Variants in GPRC6A observed in about 807,000 individuals in gnomAD.
GPRC6A encodes G protein-coupled receptor family C group 6 member A.
Under a neutral mutation model 47.0 loss-of-function variants are expected in GPRC6A, and 54 were observed. The ratio of observed to expected loss-of-function variants is 1.15; its 90% CI spans 0.92 to 1.44. The LOEUF (loss-of-function observed/expected upper bound fraction) is 1.44. GPRC6A is among the 40% of genes most tolerant of loss of function. The pLI, the probability that GPRC6A is intolerant of heterozygous loss-of-function variation, is 0.00. For missense variants in GPRC6A, 1,112 were observed against 1,105.5 expected, an observed-to-expected ratio of 1.01 and a Z score of -0.08; for synonymous variants, 347 against 377.1, an observed-to-expected ratio of 0.92 and a Z score of 0.93.
intron 4 of GPRC6A, among the ~76,000 whole-genome samples, chr6:116,799,860 A>T (rs187230229): frequency 1.5e-4 from 23 of 152,300 alleles, no homozygotes; most frequent in Admixed American, 3.9e-4. Flanking sequence ...CCAGAGGTGA[A>T]GTGGAGGAGC....
At chr6:116,804,446 T>C (rs1454622187) in intron 3 of GPRC6A, among the ~76,000 whole-genome samples, 3 of 152,114 alleles carry the variant, frequency 2.0e-5, no homozygotes, top group Admixed American at 2.0e-4. Flanking sequence ...GGACCCTAAA[T>C]GTTGCTGATC....
intron 3 of GPRC6A, among the ~76,000 whole-genome samples, chr6:116,802,631 C>T (rs1772711033): frequency 6.6e-6 from 1 of 152,138 alleles, no homozygotes; most frequent in Non-Finnish European, 1.5e-5. Context: ...ATCCTTGCCT[C>T]TGTGTCCTGA....
intron 4 of GPRC6A, among the ~76,000 whole-genome samples, chr6:116,798,129 TTAAAA>T (rs1165618006): frequency 6.6e-6 from 1 of 152,118 alleles, no homozygotes; most frequent in Non-Finnish European, 1.5e-5. Flanking sequence ...ACTGACAGAG[TTAAAA>T]TAAGCAAAAT....
intron 1 of GPRC6A, among the ~76,000 whole-genome samples, chr6:116,817,975 G>T (rs1287586028): frequency 6.6e-6 from 1 of 152,024 alleles, no homozygotes; most frequent in African/African-American, 2.4e-5. Context: ...TTATCCAGGA[G>T]AACTTCCCCA....
At position 116,806,648 on chromosome 6, in the gene GPRC6A, G is replaced by A. The variant is rs376013129; in HGVS notation, c.1057C>T (p.Leu353Phe). The A allele has an allele frequency of 3.7e-6, 6 of 1,613,416 alleles. No homozygotes were observed. The highest frequency in any genetic ancestry group is 1.1e-5 in the South Asian group (1 of 91,078). The change falls in exon 3 of 6, where the codon CTC (leucine) becomes TTC (phenylalanine). Residue 353 changes from leucine (L) to phenylalanine (F), a missense_variant. Leu to Phe is a conservative substitution (Grantham distance 22, BLOSUM62 0). Transcript: ENST00000310357. ...AAATGCATGGCATATTCATGTAAGA[G>A]TTTGTGACTGTCACTGGGAAGCAAG... is the stretch of plus-strand genomic sequence containing the variant. The part of the protein sequence containing the change: ...LHLLPSDSHK[L>F]LHEYAMHLSA...
intron 1 of GPRC6A, among the ~76,000 whole-genome samples, chr6:116,824,701 C>T (rs974935571): frequency 6.6e-6 from 1 of 151,876 alleles, no homozygotes; most frequent in Admixed American, 6.6e-5. Context: ...CAAACTACTC[C>T]AAAAAATTCA....
intron 4 of GPRC6A, among the ~76,000 whole-genome samples, chr6:116,797,893 G>A (rs940577179): frequency 1.3e-5 from 2 of 152,198 alleles, no homozygotes; most frequent in East Asian, 1.9e-4. Flanking sequence ...GAATGGCTAC[G>A]TTTCTGTCTT....
intron 5 of GPRC6A, among the ~76,000 whole-genome samples, 170 bp downstream of exon 5, chr6:116,795,542 A>C (rs1219885459): frequency 1.3e-5 from 2 of 152,186 alleles, no homozygotes; most frequent in African/African-American, 4.8e-5. Context: ...TGTTGACATA[A>C]TAGAGCAAAT....
chr6:116,795,980 G>T (rs993394), intron 4 of GPRC6A, 145 bp from the exon 5 acceptor site: 9 of 540,278 alleles, frequency 1.7e-5, no homozygotes. Context: ...TTTTGCCATC[G>T]TGGGAAATGT....
intron 2 of GPRC6A, among the ~76,000 whole-genome samples, chr6:116,808,999 C>T (rs991230702): frequency 2.0e-5 from 3 of 152,190 alleles, no homozygotes; most frequent in Non-Finnish European, 2.9e-5. Context: ...TTGCCTGTCT[C>T]TACAAAAGCA....
In GPRC6A at chr6:116,806,946, G is replaced by A. The variant is rs778802390; in HGVS notation, c.759C>T (p.Thr253=). The A allele has an allele frequency of 2.1e-5, 34 of 1,613,368 alleles. No homozygotes were observed. In the East Asian group the frequency reaches 7.4e-4, roughly 35 times the overall value. Residue 253 remains threonine (T), a synonymous_variant, in exon 3 of 6, where the codon ACC becomes ACT. Coordinates refer to ENST00000310357, the MANE Select transcript of GPRC6A (RefSeq NM_148963.4). ...GTGTCCGATTGATTCTGACTTCAAT[G>A]GTATTATCTGAAAGAAAGGCTGGAA... The part of the protein sequence containing the change: ...EVLPAFLSDN[T]IEVRINRTLK...
rs145221942 is a variant in GPRC6A, at chr6:116,814,256, A to G, written c.195-4639T>C. ...TGACCTAGCAATCTCATTACTGGGT[A>G]TATACCCAAAGGATTATAAATCATG... On this transcript the variant is annotated intron_variant, in intron 1 of 5. Coordinates refer to ENST00000310357, the MANE Select transcript of GPRC6A (RefSeq NM_148963.4). Among the ~76,000 whole-genome samples the G allele has an allele frequency of 5.3e-3, 804 of 152,348 alleles. 11 individuals carry two copies. Among genetic ancestry groups the G allele is most frequent in the African/African-American group, 0.018 (754 of 41,586 alleles).
In GPRC6A at chr6:116,799,158, T is replaced by A. The variant is rs191137137; in HGVS notation, c.1548+1426A>T. Among the ~76,000 whole-genome samples the A allele has an allele frequency of 6.5e-4, 99 of 152,342 alleles. 1 individual carries two copies. The highest frequency in any genetic ancestry group is 8.3e-4 in the South Asian group (4 of 4,828). ...GTAGGTTGGGAGAGAATATCAGTTC[T>A]GTTTTGGAGATTTAAGTTGACTGCT... On this transcript the variant is annotated intron_variant, in intron 4 of 5. Coordinates refer to ENST00000310357, the MANE Select transcript of GPRC6A (RefSeq NM_148963.4).
At position 116,795,804 on chromosome 6, in the gene GPRC6A, C is replaced by G; in HGVS notation, c.1580G>C (p.Ser527Thr). The change falls in exon 5 of 6, where the codon AGT becomes ACT. Residue 527 changes from serine (S) to threonine (T), a missense_variant. Coordinates refer to ENST00000310357, the MANE Select transcript of GPRC6A (RefSeq NM_148963.4). Reference protein sequence around the residue: ...QIQSKCSKECSPGQMKKTTRS... With the variant: ...QIQSKCSKECTPGQMKKTTRS... ...TGTAGTTTTCTTCATTTGCCCAGGA[C>G]TGCATTCCTTGGAGCATTTAGATTG... The G allele has an allele frequency of 6.2e-7, 1 of 1,606,202 alleles. No individual in the cohort carries two copies.
chr6:116,795,714 G>C lies in GPRC6A; in HGVS notation c.1670C>G (p.Thr557Arg), dbSNP rs1175575195. The change falls in exon 5 of 6, where the codon ACA becomes AGA. Residue 557 changes from threonine to arginine, a missense_variant and splice_region_variant. Transcript: ENST00000310357. Reference sequence around the variant, plus strand: ...GTATGTGGAGTGACTGTGATTACCTGTCTGATTAGTGTAATGATTTTCAGG... The same window carrying C: ...GTATGTGGAGTGACTGTGATTACCTCTCTGATTAGTGTAATGATTTTCAGG... ...NCPENHYTNQ[T>R]DMPHCLLCNN... is the part of the protein sequence containing the mutation. 6.2e-7 allele frequency: 1 copy of C among 1,607,444 alleles called. No homozygotes were observed. Among genetic ancestry groups the C allele is most frequent in the East Asian group, 2.2e-5 (1 of 44,752 alleles).
intron 3 of GPRC6A, among the ~76,000 whole-genome samples, chr6:116,805,632 A>T (rs1385288963): frequency 6.6e-6 from 1 of 152,070 alleles, no homozygotes; most frequent in Non-Finnish European, 1.5e-5. Context: ...ACAATGGAAA[A>T]TTCTCACTAA....
At chr6:116,810,538 C>T (rs1772988963) in intron 1 of GPRC6A, among the ~76,000 whole-genome samples, 1 of 151,616 alleles carries the variant, frequency 6.6e-6, no homozygotes, top group Admixed American at 6.6e-5. Flanking sequence ...CTTCTCCCCT[C>T]CCTAAAAGAA....
chr6:116,818,339 C>T (rs1272274236), intron 1 of GPRC6A, among the ~76,000 whole-genome samples: 3 of 150,246 alleles, frequency 2.0e-5, no homozygotes, highest in Non-Finnish European at 4.4e-5. Flanking sequence ...TCGAGACCAT[C>T]CCGGCTAACA....
chr6:116,820,666 T>C (rs1164650008), intron 1 of GPRC6A, among the ~76,000 whole-genome samples: 14 of 151,740 alleles, frequency 9.2e-5, no homozygotes, highest in African/African-American at 3.4e-4. Context: ...CAACCCTTCA[T>C]GCTAAAAACT....
Sources: gnomAD v4.1 joint callset for allele counts (sites outside exome capture counted in the v4.1 genomes callset) on GRCh38, gnomAD v4.1.1 for gene constraint, MANE v1.5 for transcripts, NCBI Gene and HGNC (gene_info 2026-07-23, HGNC 2026-07-21) for gene names.